SCML4: variants seen among roughly 807,000 people sequenced by gnomAD.
SCML4 encodes the protein Scm polycomb group protein like 4.
In SCML4, 34 loss-of-function variants were observed where a neutral mutation model predicts 41.1. The observed-to-expected ratio is 0.83, with a 90% confidence interval of 0.63 to 1.10. SCML4 has a LOEUF of 1.10. Ranked by LOEUF, SCML4 falls within the 50% of genes least tolerant of loss-of-function variation. The pLI is 0.00. For missense variants in SCML4, 522 were observed against 534.1 expected, an observed-to-expected ratio of 0.98 and a Z score of 0.22; for synonymous variants, 214 against 220.9, an observed-to-expected ratio of 0.97 and a Z score of 0.28.
intron 6 of SCML4, chr6:107,720,387 A>G: frequency 7.7e-6 from 8 of 1,044,930 alleles, no homozygotes; most frequent in Non-Finnish European, 8.1e-6. Context: ...CTATATTGAG[A>G]TGCATCCATG....
chr6:107,751,447 G>A (rs917020515), intron 2 of SCML4, among the ~76,000 whole-genome samples: 1 of 152,160 alleles, frequency 6.6e-6, no homozygotes. Flanking sequence ...GGAGGCCAGA[G>A]TGAGACAGGA....
intron 1 of SCML4, among the ~76,000 whole-genome samples, chr6:107,823,335 T>C (rs1361771698): frequency 6.6e-6 from 1 of 152,182 alleles, no homozygotes; most frequent in Non-Finnish European, 1.5e-5. Flanking sequence ...GCCTGCACCC[T>C]GGCCTCATCC....
chr6:107,775,263 C>G (rs961947810), intron 1 of SCML4, among the ~76,000 whole-genome samples: 1 of 152,236 alleles, frequency 6.6e-6, no homozygotes, highest in African/African-American at 2.4e-5. Flanking sequence ...TCTTCCCCCT[C>G]TAGTCCATGC....
At chr6:107,749,882 C>T in intron 2 of SCML4, 69 bp from the exon 3 acceptor site, 3 of 1,543,388 alleles carry the variant, frequency 1.9e-6, no homozygotes, top group Admixed American at 1.7e-5. Flanking sequence ...AGATTCTGTC[C>T]TAGACGGCAG....
rs530761250 is a variant in SCML4, at chr6:107,730,763, C to T, written c.683-9770G>A. 7.9e-5 allele frequency among the ~76,000 whole-genome samples: 12 copies of T among 152,292 alleles called. No homozygotes were observed. The East Asian group carries it at 1.9e-3, about 25-fold the overall frequency. ...TAAACCTGCTTGTGGACTATGGTTCCCTCCAGCCACTGTGTATAAAGCCTG... is the reference window on the plus strand; with the variant it reads ...TAAACCTGCTTGTGGACTATGGTTCTCTCCAGCCACTGTGTATAAAGCCTG... On this transcript the variant is annotated intron_variant, in intron 5 of 7. Coordinates refer to ENST00000369020, the MANE Select transcript of SCML4 (RefSeq NM_198081.5).
chr6:107,831,190 G>C, the SCML4 span, among the ~76,000 whole-genome samples: 1 of 152,116 alleles, frequency 6.6e-6, no homozygotes, highest in Non-Finnish European at 1.5e-5. Context: ...CCGTCAAAGA[G>C]AGACTCTACA....
chr6:107,712,691 T>C (rs1629910), intron 6 of SCML4, among the ~76,000 whole-genome samples: 114,240 of 152,052 alleles, frequency 0.75, 43,108 homozygotes, highest in Admixed American at 0.81. Context: ...ATAGATTCGC[T>C]TTAGAAAGGA....
chr6:107,822,578 A>G (rs1170494447), intron 1 of SCML4, among the ~76,000 whole-genome samples: 1 of 148,762 alleles, frequency 6.7e-6, no homozygotes, highest in South Asian at 2.1e-4. Flanking sequence ...CATGTTATAC[A>G]TGAAAGAACT....
chr6:107,829,230 A>G (rs1464482329), upstream of SCML4, among the ~76,000 whole-genome samples: 1 of 152,016 alleles, frequency 6.6e-6, no homozygotes, highest in Non-Finnish European at 1.5e-5. Flanking sequence ...AATTAGAAAG[A>G]AAAAAATTAA....
chr6:107,841,805 A>T, the SCML4 span, among the ~76,000 whole-genome samples: 2 of 152,170 alleles, frequency 1.3e-5, no homozygotes, highest in African/African-American at 4.8e-5. Flanking sequence ...TCCAAGTCTG[A>T]CCTGTGTAAT....
upstream of SCML4, among the ~76,000 whole-genome samples, chr6:107,826,302 AG>A (rs963383985): frequency 7.6e-6 from 1 of 131,954 alleles, no homozygotes; most frequent in African/African-American, 3.8e-5. Flanking sequence ...AAGAAAGAAA[AG>A]AAAAAGAAGA....
chr6:107,769,112 G>A (rs547939767), intron 2 of SCML4, among the ~76,000 whole-genome samples: 1 of 152,312 alleles, frequency 6.6e-6, no homozygotes, highest in East Asian at 1.9e-4. Flanking sequence ...CTATCTTCAT[G>A]GTAGTCAGAG....
intron 5 of SCML4, chr6:107,740,234 C>T (rs1777461047): frequency 6.6e-6 from 3 of 454,436 alleles, no homozygotes; most frequent in Non-Finnish European, 9.0e-6. Context: ...CCATATACCA[C>T]AATAAAGTGT....
the SCML4 span, among the ~76,000 whole-genome samples, chr6:107,829,927 G>A: frequency 6.6e-6 from 1 of 152,060 alleles, no homozygotes; most frequent in African/African-American, 2.4e-5. Flanking sequence ...TAAAAGCTTT[G>A]TCAGCCCAGT....
intron 1 of SCML4, among the ~76,000 whole-genome samples, chr6:107,818,637 G>T (rs1214710806): frequency 1.3e-5 from 2 of 152,188 alleles, no homozygotes; most frequent in Non-Finnish European, 2.9e-5. Flanking sequence ...ACTCAGAAAT[G>T]GTTAGGCCCA....
intron 1 of SCML4, among the ~76,000 whole-genome samples, chr6:107,776,690 A>C (rs1394139375): frequency 6.6e-6 from 1 of 152,184 alleles, no homozygotes; most frequent in Non-Finnish European, 1.5e-5. Flanking sequence ...TTACACAGCC[A>C]CACCTCCTAA....
At chr6:107,761,232 T>A (rs1486763704) in intron 2 of SCML4, among the ~76,000 whole-genome samples, 2 of 152,172 alleles carry the variant, frequency 1.3e-5, no homozygotes, top group Non-Finnish European at 2.9e-5. Context: ...AACTTACAGA[T>A]TCAGGAAGCT....
At position 107,704,326 on chromosome 6, in the gene SCML4, T is replaced by G. The variant is rs147484616; in HGVS notation, c.*874A>C. On this transcript the variant is annotated 3_prime_UTR_variant, in exon 8 of 8. Transcript: ENST00000369020. ...ATAAGGACTCTGGAAGGGAAGGAAC[T>G]CCAAAGTCCCATCTGGGTAGAGCGT... 6.6e-6 allele frequency: 1 copy of G among 152,196 alleles called. No individual in the cohort carries two copies. Among genetic ancestry groups the G allele is most frequent in the African/African-American group, 2.4e-5 (1 of 41,444 alleles). The allele number at this position is 152,196 out of a possible 1,614,324, so 9.4% of individuals were successfully genotyped here. A position where few individuals can be genotyped will look rare whatever the true frequency, so the allele number is the denominator to read the frequency against.
intron 1 of SCML4, among the ~76,000 whole-genome samples, chr6:107,778,351 C>T (rs1408559380): frequency 6.7e-6 from 1 of 148,978 alleles, no homozygotes; most frequent in South Asian, 2.1e-4. Flanking sequence ...GCAGTGAATA[C>T]TATCTCAGTT....
Sources: gnomAD v4.1 joint callset for allele counts (sites outside exome capture counted in the v4.1 genomes callset) on GRCh38, gnomAD v4.1.1 for gene constraint, MANE v1.5 for transcripts, NCBI Gene and HGNC (gene_info 2026-07-23, HGNC 2026-07-21) for gene names.